The following GALNT7 variants were observed in gnomAD, a reference collection of about 807,000 sequenced individuals.
GALNT7 encodes the protein polypeptide N-acetylgalactosaminyltransferase 7.
Under a neutral mutation model 82.1 loss-of-function variants are expected in GALNT7, and 60 were observed. The ratio of observed to expected loss-of-function variants is 0.73; its 90% CI spans 0.59 to 0.91. The LOEUF (loss-of-function observed/expected upper bound fraction) is 0.91. GALNT7 is among the 40% of genes least tolerant of loss of function. GALNT7 has a pLI of 0.00. For synonymous variants in GALNT7, 243 were observed against 275.1 expected, an observed-to-expected ratio of 0.88 and a Z score of 1.15; for missense variants, 660 against 804.2, an observed-to-expected ratio of 0.82 and a Z score of 2.17.
intron 2 of GALNT7, among the ~76,000 whole-genome samples, chr4:173,259,565 T>C (rs893817056): frequency 5.9e-5 from 9 of 152,188 alleles, no homozygotes. Flanking sequence ...CCAAACTTTA[T>C]TCTGAGTTAT....
chr4:173,209,875 C>T (rs1733218613), intron 1 of GALNT7, among the ~76,000 whole-genome samples: 1 of 152,240 alleles, frequency 6.6e-6, no homozygotes, highest in Admixed American at 6.5e-5. Flanking sequence ...TGGCTGACGC[C>T]TGTAATTGCA....
chr4:173,318,581 G>T, intron 11 of GALNT7, 22 bp downstream of exon 11: 1 of 1,429,112 alleles, frequency 7.0e-7, no homozygotes, highest in South Asian at 1.2e-5. Flanking sequence ...TTTAACTTCT[G>T]AAATATTATA....
intron 5 of GALNT7, chr4:173,297,765 A>G: frequency 1.6e-6 from 2 of 1,229,070 alleles, no homozygotes; most frequent in Non-Finnish European, 2.1e-6. Context: ...GGGTTCTTAA[A>G]TGCTTTTTCA....
chr4:173,261,337 G>A (rs1424902648), intron 2 of GALNT7, among the ~76,000 whole-genome samples: 2 of 151,700 alleles, frequency 1.3e-5, no homozygotes, highest in Non-Finnish European at 2.9e-5. Flanking sequence ...AACCCATGCA[G>A]ACAAGGGAAG....
chr4:173,172,281 G>A (rs752428073), intron 1 of GALNT7, among the ~76,000 whole-genome samples: 15 of 152,210 alleles, frequency 9.9e-5, no homozygotes, highest in Non-Finnish European at 1.8e-4. Flanking sequence ...TGCCAGCAGC[G>A]GGGAGGGGCT....
In GALNT7 at chr4:173,228,528, A is replaced by G. The variant is rs1291642588; in HGVS notation, c.127-19452A>G. On this transcript the variant is annotated intron_variant, in intron 1 of 11. Coordinates refer to ENST00000265000, the MANE Select transcript of GALNT7 (RefSeq NM_017423.3). ...AGGGCATTTTGTTTGTTTCTAGTAGATTGGCTAGTATACAGGCTGCAGTGA... is the reference window on the plus strand; with the variant it reads ...AGGGCATTTTGTTTGTTTCTAGTAGGTTGGCTAGTATACAGGCTGCAGTGA... 2.0e-5 allele frequency among the ~76,000 whole-genome samples: 3 copies of G among 152,026 alleles called. No homozygotes were observed. The South Asian group carries it at 6.2e-4, about 32-fold the overall frequency.
At chr4:173,315,611 G>A (rs1737569943) in intron 9 of GALNT7, among the ~76,000 whole-genome samples, 1 of 152,112 alleles carries the variant, frequency 6.6e-6, no homozygotes, top group South Asian at 2.1e-4. Flanking sequence ...ACCAACAGAG[G>A]ACACTCATGC....
chr4:173,281,136 C>T (rs1736095249), intron 2 of GALNT7, among the ~76,000 whole-genome samples: 1 of 152,142 alleles, frequency 6.6e-6, no homozygotes. Context: ...GAGGATTGTG[C>T]ACCCTTGAGG....
chr4:173,184,383 G>A (rs763386909), intron 1 of GALNT7, among the ~76,000 whole-genome samples: 86 of 152,140 alleles, frequency 5.7e-4, no homozygotes, highest in Non-Finnish European at 9.9e-4. Flanking sequence ...GATCACTCGC[G>A]GTCAGGAGCT....
chr4:173,228,434 G>A (rs201050095), intron 1 of GALNT7, among the ~76,000 whole-genome samples: 6 of 151,320 alleles, frequency 4.0e-5, no homozygotes, highest in South Asian at 2.1e-4. Context: ...TTTTTTGAAC[G>A]TTTTATAATT....
chr4:173,193,905 T>A (rs1732698008), intron 1 of GALNT7, among the ~76,000 whole-genome samples: 1 of 152,210 alleles, frequency 6.6e-6, no homozygotes, highest in Non-Finnish European at 1.5e-5. Flanking sequence ...TTGTTTTTTT[T>A]AAAAGGAGGC....
intron 1 of GALNT7, among the ~76,000 whole-genome samples, chr4:173,234,306 T>TTTATCTG (rs1238993579): frequency 3.2e-4 from 49 of 152,258 alleles, no homozygotes; most frequent in African/African-American, 9.4e-4. Context: ...GGCTCTTGAG[T>TTTATCTG]CAATTATTAT....
chr4:173,196,907 C>G (rs1732795639), intron 1 of GALNT7, among the ~76,000 whole-genome samples: 1 of 152,118 alleles, frequency 6.6e-6, no homozygotes, highest in Admixed American at 6.5e-5. Context: ...TTGGATTTTT[C>G]TTTGCTTCCT....
intron 2 of GALNT7, among the ~76,000 whole-genome samples, chr4:173,282,714 T>C (rs1045798298): frequency 1.3e-5 from 2 of 152,132 alleles, no homozygotes; most frequent in African/African-American, 4.8e-5. Context: ...TGATGGCCTC[T>C]AGATGAAAAA....
chr4:173,259,989 T>G (rs1735197981), intron 2 of GALNT7, among the ~76,000 whole-genome samples: 1 of 152,188 alleles, frequency 6.6e-6, no homozygotes, highest in African/African-American at 2.4e-5. Context: ...GGGGGGAAAT[T>G]ATTTGAAGTA....
At chr4:173,229,688 G>A (rs1733963283) in intron 1 of GALNT7, among the ~76,000 whole-genome samples, 1 of 152,112 alleles carries the variant, frequency 6.6e-6, no homozygotes, top group Admixed American at 6.5e-5. Context: ...AGTTGTTGCA[G>A]GAATTAAAAG....
At chr4:173,213,776 C>T (rs1733355529) in intron 1 of GALNT7, among the ~76,000 whole-genome samples, 1 of 152,104 alleles carries the variant, frequency 6.6e-6, no homozygotes, top group African/African-American at 2.4e-5. Context: ...TATTCAAGCA[C>T]TGACAGGCAT....
At chr4:173,194,555 G>T (rs1732720175) in intron 1 of GALNT7, among the ~76,000 whole-genome samples, 1 of 152,118 alleles carries the variant, frequency 6.6e-6, no homozygotes, top group Admixed American at 6.5e-5. Context: ...AATCAGTTTT[G>T]AATCTAAGCA....
At chr4:173,287,630 C>T (rs1268435708) in intron 2 of GALNT7, among the ~76,000 whole-genome samples, 4 of 152,352 alleles carry the variant, frequency 2.6e-5, no homozygotes, top group African/African-American at 9.6e-5. Context: ...AGTGACCATC[C>T]TTCATAGGTG....
Sources: gnomAD v4.1 joint callset for allele counts (sites outside exome capture counted in the v4.1 genomes callset) on GRCh38, gnomAD v4.1.1 for gene constraint, MANE v1.5 for transcripts, NCBI Gene and HGNC (gene_info 2026-07-23, HGNC 2026-07-21) for gene names.